DHX33: variants seen among roughly 807,000 people sequenced by gnomAD.
DHX33 encodes DEAH-box helicase 33.
DHX33 carries 42 observed loss-of-function variants against 72.5 expected under a neutral mutation model. The ratio of observed to expected loss-of-function variants is 0.58; its 90% CI spans 0.45 to 0.75. DHX33 has a LOEUF of 0.75. Ranked by LOEUF, DHX33 falls within the 30% of genes least tolerant of loss-of-function variation. The probability of loss-of-function intolerance (pLI) is 0.00; values close to 1 mark genes in which losing one functional copy is unlikely to be tolerated. For missense variants in DHX33, 842 were observed against 917.5 expected (o/e 0.92, Z 1.06); for synonymous variants, 358 against 366.1 (o/e 0.98, Z 0.25).
intron 4 of DHX33, 23 bp from the exon 5 acceptor site, chr17:5,456,205 T>A: frequency 6.2e-7 from 1 of 1,610,276 alleles, no homozygotes; most frequent in South Asian, 1.1e-5. Flanking sequence ...TAGAGTGGGT[T>A]TACTAGGCAT....
rs1288059174 is a variant in DHX33 at position 5,450,703 on chromosome 17, A to G, written c.1524+104T>C. ...CAAACTAGGGGTTGGTAATTATGTAAGAGAAAAAGTGAGATTAATCTAGAA... is the reference window on the plus strand; with the variant it reads ...CAAACTAGGGGTTGGTAATTATGTAGGAGAAAAAGTGAGATTAATCTAGAA... On this transcript the variant is annotated intron_variant, in intron 9 of 11. Coordinates refer to ENST00000225296, the MANE Select transcript of DHX33 (RefSeq NM_020162.4). The G allele has an allele frequency of 5.3e-6, 8 of 1,503,844 alleles. No homozygotes were observed. In the Admixed American group the frequency reaches 1.6e-4, roughly 29 times the overall value. 93.2% of individuals were successfully genotyped at this position (1,503,844 alleles called of 1,614,324 possible). A position where few individuals can be genotyped will look rare whatever the true frequency, so the allele number is the denominator to read the frequency against.
rs367598590 is a variant in DHX33, at chr17:5,464,071, C to T, written c.290-382G>A. On this transcript the variant is annotated intron_variant, in intron 1 of 11. Coordinates refer to ENST00000225296, the MANE Select transcript of DHX33 (RefSeq NM_020162.4). ...TGCAAATCGGCTGGGCACAGTGGCT[C>T]ATGCCTGTAATCCTAGCACGTGGGG... Among the ~76,000 whole-genome samples, 35 of 151,760 alleles carry T rather than the reference C, an allele frequency of 2.3e-4. No homozygotes were observed. In the East Asian group the frequency reaches 5.4e-3, roughly 24 times the overall value.
At chr17:5,448,635 A>C in intron 11 of DHX33, 174 bp downstream of exon 11, 1 of 393,720 alleles carries the variant, frequency 2.5e-6, no homozygotes, top group South Asian at 8.0e-5. Flanking sequence ...GCTATTAGGA[A>C]ATAGGCTAAA....
rs201116734 is a variant in DHX33 at position 5,446,131 on chromosome 17, C to T, written c.1816-1618G>A. ...CTGGGGTTATAGGCATGCACCACCA[C>T]GCTCAGCTTAGTTTTGTATTTTTAG... On this transcript the variant is annotated intron_variant, in intron 11 of 11. Coordinates refer to ENST00000225296, the MANE Select transcript of DHX33 (RefSeq NM_020162.4). 1.0e-3 allele frequency among the ~76,000 whole-genome samples: 156 copies of T among 152,268 alleles called. 1 individual carries two copies. Among genetic ancestry groups the T allele is most frequent in the East Asian group, 6.4e-3 (33 of 5,184 alleles).
intron 1 of DHX33, 139 bp downstream of exon 1, chr17:5,468,432 C>G: frequency 8.4e-7 from 1 of 1,183,702 alleles, no homozygotes; most frequent in African/African-American, 1.6e-5. Context: ...TTCGAGGCCC[C>G]TCTCCAGGTC....
At chr17:5,448,963 C>T in intron 10 of DHX33, 68 bp from the exon 11 acceptor site, 1 of 1,299,722 alleles carries the variant, frequency 7.7e-7, no homozygotes, top group Admixed American at 1.9e-5. Context: ...GAGACGGGGT[C>T]TTGCTCTGTT....
intron 2 of DHX33, among the ~76,000 whole-genome samples, 185 bp from the exon 3 acceptor site, chr17:5,462,731 A>C (rs1486504845): frequency 6.6e-6 from 1 of 152,178 alleles, no homozygotes; most frequent in Admixed American, 6.5e-5. Flanking sequence ...AACCGCAATT[A>C]ATGTAACTAT....
intron 6 of DHX33, 79 bp from the exon 7 acceptor site, chr17:5,454,059 C>T (rs1322534792): frequency 2.0e-6 from 3 of 1,510,464 alleles, no homozygotes; most frequent in African/African-American, 1.4e-5. Flanking sequence ...AGAAGCACAC[C>T]AGTGGTTCTT....
At position 5,450,840 on chromosome 17, in the gene DHX33, C is replaced by T; in HGVS notation, c.1491G>A (p.Met497Ile). 1.2e-6 allele frequency: 2 copies of T among 1,614,168 alleles called. No homozygotes were observed. The highest frequency in any genetic ancestry group is 8.5e-7 in the Non-Finnish European group (1 of 1,180,022). ...ATTTGGGTTCTAAAGGAAATGCTGC[C>T]ATCTTTCTTCCCATTGGAGTCAGGG... ...QLTLTPMGRK[M>I]AAFPLEPKFA... is the part of the protein sequence containing the mutation. The change falls in exon 9 of 12, where the codon ATG becomes ATA. Residue 497 changes from methionine (M) to isoleucine (I), a missense_variant. By Grantham distance (10) the Met-to-Ile change is conservative. Coordinates refer to ENST00000225296, the MANE Select transcript of DHX33 (RefSeq NM_020162.4).
At position 5,450,306 on chromosome 17, in the gene DHX33, C is replaced by T. The variant is rs765207299; in HGVS notation, c.1625G>A (p.Arg542Gln). ...CTTGCGGACCCCTTGCACTTCCTCT[C>T]GCCGGGAAGGAGGGTTGTGGAGGAC... ...DSVLHNPPSRREEVQGVRKKF... is the reference protein window; with the variant it reads ...DSVLHNPPSRQEEVQGVRKKF... The change falls in exon 10 of 12, where the codon CGA (arginine) becomes CAA (glutamine). Residue 542 changes from arginine (R) to glutamine (Q), a missense_variant. Physicochemically the swap from Arg to Gln is conservative, Grantham distance 43 (BLOSUM62 1). Transcript: ENST00000225296. The T allele has an allele frequency of 8.7e-6, 14 of 1,614,046 alleles. No individual in the cohort carries two copies. Among genetic ancestry groups the T allele is most frequent in the South Asian group, 2.2e-5 (2 of 91,088 alleles).
intron 8 of DHX33, among the ~76,000 whole-genome samples, chr17:5,452,749 T>A (rs936208198): frequency 6.6e-6 from 1 of 152,008 alleles, no homozygotes; most frequent in African/African-American, 2.4e-5. Flanking sequence ...ATAAATAAAA[T>A]CAAACACACT....
intron 5 of DHX33, 80 bp downstream of exon 5, chr17:5,455,917 C>T (rs1917169673): frequency 6.9e-7 from 1 of 1,449,328 alleles, no homozygotes; most frequent in Non-Finnish European, 9.4e-7. Flanking sequence ...TATCTGGAGC[C>T]TGGTAACAGG....
At position 5,444,794 on chromosome 17, in the gene DHX33, T is replaced by C. The variant is rs945024369; in HGVS notation, c.1816-281A>G. On this transcript the variant is annotated intron_variant, in intron 11 of 11. Transcript: ENST00000225296. The surrounding 1 kb of genome is among the most constrained non-coding windows in gnomAD (Gnocchi z 4.9). ...CATTAGCCACCAGACCACAGGCAGGTTGGGTGACCCACCCCTCACCTAAAT... is the reference window on the plus strand; with the variant it reads ...CATTAGCCACCAGACCACAGGCAGGCTGGGTGACCCACCCCTCACCTAAAT... Among the ~76,000 whole-genome samples, 4 of 152,138 alleles carry C rather than the reference T, an allele frequency of 2.6e-5. No individual in the cohort carries two copies. Among genetic ancestry groups the C allele is most frequent in the African/African-American group, 4.8e-5 (2 of 41,420 alleles).
Position 5,460,980 on chromosome 17 carries a change from A to G in DHX33, c.808T>C (p.Tyr270His). The G allele has an allele frequency of 2.5e-6, 4 of 1,613,990 alleles. No homozygotes were observed. Among genetic ancestry groups the G allele is most frequent in the Non-Finnish European group, 2.5e-6 (3 of 1,179,910 alleles). The stretch of plus-strand genomic sequence containing the variant: ...ACGGAGACAAGCGCGGCGTGCAGGT[A>G]ATCATTCTGAGGCTGTTTGGTGTAA... ...VFYTKQPQND[Y>H]LHAALVSVFQ... The change falls in exon 4 of 12, where the codon TAC (tyrosine) becomes CAC (histidine). Residue 270 changes from tyrosine (Y) to histidine (H), a missense_variant. Tyr to His is a moderately conservative substitution (Grantham distance 83). Coordinates refer to ENST00000225296, the MANE Select transcript of DHX33 (RefSeq NM_020162.4).
chr17:5,444,068 G>T lies in DHX33; in HGVS notation c.*137C>A. ...TCAGTCCCAGGAGTTGAGCAAAGAT[G>T]CTTTCACGCTCCTGGAAGTCAGGCA... is the stretch of plus-strand genomic sequence containing the variant. On this transcript the variant is annotated 3_prime_UTR_variant, in exon 12 of 12. Transcript: ENST00000225296. This position sits in a 1 kb window ranked among gnomAD's most constrained non-coding sequence, Gnocchi z 4.9. The T allele has an allele frequency of 2.1e-6, 2 of 952,766 alleles. No individual in the cohort carries two copies. The highest frequency in any genetic ancestry group is 3.1e-6 in the Non-Finnish European group (2 of 651,392). 59.0% of individuals were successfully genotyped at this position (952,766 alleles called of 1,614,324 possible).
rs779118333 is a variant in DHX33 at position 5,453,882 on chromosome 17, G to A, written c.1246C>T (p.Arg416Trp). The A allele has an allele frequency of 4.9e-5, 78 of 1,600,300 alleles. No homozygotes were observed. The highest frequency in any genetic ancestry group is 1.5e-4 in the Admixed American group (9 of 58,736). ...AGREDSGICY[R>W]LYTEDEFEKF... is the part of the protein sequence containing the mutation. Reference sequence around the variant, plus strand: ...TCAAACTCGTCCTCCGTGTAGAGCCGGTAGCAGATGCCACTGTCCTCTCTG... The same window carrying A: ...TCAAACTCGTCCTCCGTGTAGAGCCAGTAGCAGATGCCACTGTCCTCTCTG... The change falls in exon 7 of 12, where the codon CGG (arginine) becomes TGG (tryptophan). Residue 416 changes from arginine (R) to tryptophan (W), a missense_variant. By Grantham distance (101) the Arg-to-Trp change is moderately radical. Coordinates refer to ENST00000225296, the MANE Select transcript of DHX33 (RefSeq NM_020162.4).
intron 11 of DHX33, among the ~76,000 whole-genome samples, chr17:5,447,316 G>A (rs568427057): frequency 4.6e-5 from 7 of 151,960 alleles, no homozygotes; most frequent in South Asian, 2.1e-4. Context: ...TCAGGAGTTC[G>A]AGACCAGCCT....
At chr17:5,468,450 GA>G in intron 1 of DHX33, 120 bp downstream of exon 1, 1 of 1,314,926 alleles carries the variant, frequency 7.6e-7, no homozygotes, top group Non-Finnish European at 1.0e-6. Flanking sequence ...GTCTGGCCCA[GA>G]AAAGGTATTC....
In DHX33 at chr17:5,443,383, A is replaced by G. The variant is rs1377767248; in HGVS notation, c.*822T>C. 1 of 152,164 alleles carries G rather than the reference A, an allele frequency of 6.6e-6. No homozygotes were observed. Among genetic ancestry groups the G allele is most frequent in the Non-Finnish European group, 1.5e-5 (1 of 68,056 alleles). 9.4% of individuals were successfully genotyped at this position (152,164 alleles called of 1,614,324 possible). The stretch of plus-strand genomic sequence containing the variant: ...AGTCACCTACACACACAAAACACTG[A>G]TAGGTCAGTTTCCCATGTCTACACG... On this transcript the variant is annotated 3_prime_UTR_variant, in exon 12 of 12. Coordinates refer to ENST00000225296, the MANE Select transcript of DHX33 (RefSeq NM_020162.4).
Sources: gnomAD v4.1 joint callset for allele counts (sites outside exome capture counted in the v4.1 genomes callset) on GRCh38, gnomAD v4.1.1 for gene constraint, Gnocchi (gnomAD v3.1) non-coding constraint, MANE v1.5 for transcripts, NCBI Gene and HGNC (gene_info 2026-07-23, HGNC 2026-07-21) for gene names.